DEPDC5: variants seen among roughly 807,000 people sequenced by gnomAD.
DEPDC5 encodes the protein DEP domain containing 5, GATOR1 subcomplex subunit, also known as GATOR1 complex protein DEPDC5.
DEPDC5 carries 73 observed loss-of-function variants against 217.3 expected under a neutral mutation model. That is an observed-to-expected ratio of 0.34 (90% CI 0.28 to 0.41). The LOEUF (loss-of-function observed/expected upper bound fraction) is 0.41. Among genes scored for constraint, DEPDC5 ranks in the 10% least tolerant of loss-of-function variants. The pLI is 1.00. For missense variants in DEPDC5, 1,675 were observed against 2,070.1 expected (o/e 0.81, Z 3.70); for synonymous variants, 733 against 756.7 (o/e 0.97, Z 0.51).
At chr22:31,781,287 G>A (rs1293678991) in intron 8 of DEPDC5, among the ~76,000 whole-genome samples, 1 of 151,716 alleles carries the variant, frequency 6.6e-6, no homozygotes. Context: ...AAGACTTTCA[G>A]GTTTTCCATT....
At chr22:31,804,324 C>T (rs1484057743) in intron 16 of DEPDC5, 101 bp downstream of exon 16, 1 of 1,154,646 alleles carries the variant, frequency 8.7e-7, no homozygotes, top group African/African-American at 1.5e-5. Flanking sequence ...CCCACTTACT[C>T]GAGAGGCTGA....
intron 24 of DEPDC5, chr22:31,826,552 A>C (rs1223473023): frequency 2.6e-6 from 1 of 391,346 alleles, no homozygotes; most frequent in Non-Finnish European, 5.0e-6. Flanking sequence ...GCATGAACTT[A>C]GTTTATTATT....
At chr22:31,887,419 C>CAAAAAAAAAAAAAA (rs567430576) in intron 38 of DEPDC5, among the ~76,000 whole-genome samples, 2 of 65,680 alleles carry the variant, frequency 3.0e-5, no homozygotes, top group Admixed American at 1.8e-4. Context: ...AACTCTGTCT[C>CAAAAAAAAAAAAAA]AAAAAAAAAA....
At chr22:31,888,500 C>T (rs796303429) in intron 38 of DEPDC5, among the ~76,000 whole-genome samples, 3 of 151,896 alleles carry the variant, frequency 2.0e-5, no homozygotes, top group Non-Finnish European at 4.4e-5. Flanking sequence ...GATCCACCTG[C>T]CTTGGCCTCC....
At chr22:31,797,573 T>C (rs1251276662) in intron 12 of DEPDC5, 27 bp from the exon 13 acceptor site, 1 of 1,579,468 alleles carries the variant, frequency 6.3e-7, no homozygotes, top group Non-Finnish European at 8.7e-7. Context: ...CTGCTCAATA[T>C]CCATTTTATG....
In DEPDC5 at chr22:31,769,143, G is replaced by C. The variant is rs112251199; in HGVS notation, c.413+280G>C. 5.0e-3 allele frequency: 1,011 copies of C among 201,252 alleles called. 17 individuals are homozygous for C. The highest frequency in any genetic ancestry group is 0.022 in the African/African-American group (929 of 42,782). The allele number at this position is 201,252 out of a possible 1,614,324, so 12.5% of individuals were successfully genotyped here. On this transcript the variant is annotated intron_variant, in intron 7 of 42. Coordinates refer to ENST00000651528, the MANE Select transcript of DEPDC5 (RefSeq NM_001242896.3). ...GGCGTGGTGGCGGGCGCCTGTAGTC[G>C]CAGCTACTTGGGAGACTGAGGCAGG...
At chr22:31,905,858 TCTGGAAAGAGATC>T (rs2093748704) in intron 41 of DEPDC5, 113 bp from the exon 42 acceptor site, 16 of 828,528 alleles carry the variant, frequency 1.9e-5, no homozygotes, top group Non-Finnish European at 3.0e-5. Context: ...GCATGTGCAA[TCTGGAAAGAGATC>T]TTTCCAGATC....
chr22:31,893,972 T>A (rs991855751), intron 39 of DEPDC5: 3 of 435,698 alleles, frequency 6.9e-6, no homozygotes, highest in African/African-American at 4.1e-5. Flanking sequence ...AGTATTGACA[T>A]CTGAGGCCAG....
intron 30 of DEPDC5, among the ~76,000 whole-genome samples, 155 bp downstream of exon 30, chr22:31,845,392 G>A (rs966569003): frequency 1.3e-5 from 2 of 152,182 alleles, no homozygotes; most frequent in African/African-American, 4.8e-5. Context: ...CCTCCACCGC[G>A]GGGTAAAGGA....
chr22:31,859,085 T>G (rs900222663), intron 32 of DEPDC5: 3 of 127,814 alleles, frequency 2.3e-5, no homozygotes, highest in Admixed American at 1.6e-4. Context: ...CTTTGTTTTT[T>G]TTTTTTTTTT....
At chr22:31,809,540 T>C (rs892938314) in intron 18 of DEPDC5, 71 bp from the exon 19 acceptor site, 5 of 1,537,452 alleles carry the variant, frequency 3.3e-6, no homozygotes, top group Non-Finnish European at 3.6e-6. Context: ...GCAGCACATA[T>C]ATACTGTGCC....
intron 24 of DEPDC5, among the ~76,000 whole-genome samples, chr22:31,831,517 G>A (rs184695972): frequency 6.6e-6 from 1 of 152,190 alleles, no homozygotes; most frequent in African/African-American, 2.4e-5. Context: ...GAGTGCAGTG[G>A]TGTGATCTCA....
intron 13 of DEPDC5, among the ~76,000 whole-genome samples, chr22:31,798,076 A>G (rs892915078): frequency 6.6e-6 from 1 of 152,002 alleles, no homozygotes; most frequent in Non-Finnish European, 1.5e-5. Flanking sequence ...ATGCACTACC[A>G]TGCCCAGATA....
chr22:31,797,488 G>C (rs2086376576), intron 12 of DEPDC5, 112 bp from the exon 13 acceptor site: 1 of 804,946 alleles, frequency 1.2e-6, no homozygotes, highest in African/African-American at 1.7e-5. Flanking sequence ...CCTCCCACCA[G>C]GTTCCTCCCT....
chr22:31,843,714 C>T lies in DEPDC5; in HGVS notation c.2703C>T (p.Phe901=), dbSNP rs779350097. ...GTCCTTCCCACTCAGACTCAGAGTT[C>T]GTCTCCTGCTGGGTGGAATTCTCCC... ...SLCPSHSDSE[F]VSCWVEFSHE... is the part of the protein sequence containing the mutation. The change falls in exon 29 of 43, where the codon TTC becomes TTT. Residue 901 remains phenylalanine, a synonymous_variant. Transcript: ENST00000651528. 2.5e-5 allele frequency: 41 copies of T among 1,613,918 alleles called. No homozygotes were observed. The highest frequency in any genetic ancestry group is 2.5e-4 in the South Asian group (23 of 91,076).
intron 7 of DEPDC5, among the ~76,000 whole-genome samples, chr22:31,771,729 A>T (rs1207469044): frequency 5.1e-5 from 5 of 97,536 alleles, no homozygotes; most frequent in Non-Finnish European, 9.3e-5. Context: ...ACACACACAC[A>T]CACACACACA....
chr22:31,885,518 G>T (rs912474714), intron 38 of DEPDC5, among the ~76,000 whole-genome samples: 1 of 146,654 alleles, frequency 6.8e-6, no homozygotes, highest in Non-Finnish European at 1.5e-5. Context: ...AAGGTCAGGA[G>T]ATTGAGGCCA....
At chr22:31,856,780 T>G (rs2092320690) in intron 31 of DEPDC5, among the ~76,000 whole-genome samples, 1 of 150,864 alleles carries the variant, frequency 6.6e-6, no homozygotes, top group Admixed American at 6.6e-5. Context: ...GTTTTTTGTT[T>G]GTTTGTTTGT....
In DEPDC5 at chr22:31,876,239, T is replaced by A. The variant is rs1330280890; in HGVS notation, c.3779T>A (p.Ile1260Lys). Residue 1260 changes from isoleucine to lysine, a missense_variant, in exon 37 of 43, where the codon ATA becomes AAA. Ile to Lys is a moderately radical substitution (Grantham distance 102). Coordinates refer to ENST00000651528, the MANE Select transcript of DEPDC5 (RefSeq NM_001242896.3). ...ATCTACGGCTTCTATTTCTACAAGA[T>A]AGTAACGGACAAAGAGCCCGACCGA... Reference protein sequence around the residue: ...TFIYGFYFYKIVTDKEPDRVA... With the variant: ...TFIYGFYFYKKVTDKEPDRVA... The A allele has an allele frequency of 1.2e-6, 2 of 1,613,898 alleles. No homozygotes were observed. Among genetic ancestry groups the A allele is most frequent in the South Asian group, 2.2e-5 (2 of 91,068 alleles).
Sources: allele counts gnomAD v4.1 joint callset (sites outside exome capture counted in the v4.1 genomes callset), GRCh38; gene constraint gnomAD v4.1.1; transcripts MANE v1.5; gene names NCBI Gene and HGNC (gene_info 2026-07-23, HGNC 2026-07-21).